LRRC1: variants seen among roughly 807,000 people sequenced by gnomAD.
The protein encoded by LRRC1 is leucine rich repeat containing 1, also known as leucine-rich repeat-containing protein 1.
In LRRC1, 28 loss-of-function variants were observed where a neutral mutation model predicts 69.9. That is an observed-to-expected ratio of 0.40 (90% CI 0.30 to 0.55). The LOEUF (loss-of-function observed/expected upper bound fraction) is 0.55, where lower values mean the gene tolerates loss of function less well. Among genes scored for constraint, LRRC1 ranks in the 20% least tolerant of loss-of-function variants. LRRC1 has a pLI of 0.47. For missense variants in LRRC1, 498 were observed against 609.0 expected, an observed-to-expected ratio of 0.82 and a Z score of 1.92; for synonymous variants, 236 against 240.2, an observed-to-expected ratio of 0.98 and a Z score of 0.16.
At chr6:53,825,309 G>C (rs1296728212) in intron 1 of LRRC1, among the ~76,000 whole-genome samples, 1 of 152,180 alleles carries the variant, frequency 6.6e-6, no homozygotes, top group African/African-American at 2.4e-5. Context: ...ATACATCTTT[G>C]AAAAGTGACC....
chr6:53,821,365 A>G (rs550183010), intron 1 of LRRC1, among the ~76,000 whole-genome samples: 4 of 152,304 alleles, frequency 2.6e-5, no homozygotes, highest in African/African-American at 9.6e-5. Flanking sequence ...ATATTTTATT[A>G]CTTCACTAGA....
At chr6:53,836,716 T>C (rs1336890298) in intron 1 of LRRC1, among the ~76,000 whole-genome samples, 2 of 152,210 alleles carry the variant, frequency 1.3e-5, no homozygotes, top group Non-Finnish European at 2.9e-5. Context: ...CAGCAAATTA[T>C]AAAGTGAACA....
Position 53,795,071 on chromosome 6 carries a change from G to T in LRRC1, c.-186G>T. The T allele has an allele frequency of 1.9e-6, 1 of 539,286 alleles. No individual in the cohort carries two copies. Among genetic ancestry groups the T allele is most frequent in the South Asian group, 2.4e-5 (1 of 41,580 alleles). The allele number at this position is 539,286 out of a possible 1,614,324, so 33.4% of individuals were successfully genotyped here. A position where few individuals can be genotyped will look rare whatever the true frequency, so the allele number is the denominator to read the frequency against. ...CGGGCGGGGGTACAGGGACGGGGCA[G>T]GGGCTCCCGCTCCAGGTTCCTTGAA... On this transcript the variant is annotated 5_prime_UTR_variant, in exon 1 of 14. In the 5' UTR this introduces an upstream ATG that the reference lacks. Transcript: ENST00000370888.
chr6:53,887,916 A>G (rs1426183472), intron 4 of LRRC1, among the ~76,000 whole-genome samples: 1 of 152,198 alleles, frequency 6.6e-6, no homozygotes, highest in Non-Finnish European at 1.5e-5. Context: ...ATTTCAGAAA[A>G]CTATCTGAAT....
rs1301994009 is a variant in LRRC1, at chr6:53,896,511, G to T, written c.460G>T (p.Ala154Ser). Residue 154 changes from alanine to serine, a missense_variant, in exon 5 of 14, where the codon GCT becomes TCT. Around this residue, in one of 3 missense-constraint regions of LRRC1, gnomAD observed 266 missense variants for 383.9 expected, o/e 0.69. Transcript: ENST00000370888. ...PENIGNLYNL[A>S]SLELRENLLT... ...GTTCATTTCTAGTCTTTATAACCTG[G>T]CTTCACTGGAACTGAGAGAGAATCT... The T allele has an allele frequency of 1.2e-6, 2 of 1,613,060 alleles. No individual in the cohort carries two copies. Among genetic ancestry groups the T allele is most frequent in the Admixed American group, 3.3e-5 (2 of 59,984 alleles).
chr6:53,911,805 T>C (rs1463954850), intron 10 of LRRC1, among the ~76,000 whole-genome samples: 1 of 152,192 alleles, frequency 6.6e-6, no homozygotes. Context: ...ACTCTAATAA[T>C]ATTGATCATC....
Position 53,922,930 on chromosome 6 carries a change from C to A in LRRC1, c.*137C>A. 1.3e-6 allele frequency: 1 copy of A among 776,072 alleles called. No homozygotes were observed. Among genetic ancestry groups the A allele is most frequent in the Non-Finnish European group, 2.1e-6 (1 of 483,394 alleles). The allele number at this position is 776,072 out of a possible 1,614,324, so 48.1% of individuals were successfully genotyped here. ...CTTCCCGTGGAGTGTGGGGAAGCTGCTGTCTCCCAGGAAGTGCCTTACTCA... is the reference window on the plus strand; with the variant it reads ...CTTCCCGTGGAGTGTGGGGAAGCTGATGTCTCCCAGGAAGTGCCTTACTCA... On this transcript the variant is annotated 3_prime_UTR_variant, in exon 14 of 14. Coordinates refer to ENST00000370888, the MANE Select transcript of LRRC1 (RefSeq NM_018214.5).
intron 2 of LRRC1, among the ~76,000 whole-genome samples, chr6:53,853,490 G>A (rs1766210328): frequency 1.3e-5 from 2 of 152,010 alleles, no homozygotes; most frequent in Admixed American, 1.3e-4. Flanking sequence ...TCACCATGTT[G>A]ACCAGGCTGG....
rs778594796 is a variant in LRRC1 at position 53,885,087 on chromosome 6, A to G, written c.446+2111A>G. Among the ~76,000 whole-genome samples the G allele has an allele frequency of 2.6e-4, 40 of 152,256 alleles. 1 individual carries two copies. Among genetic ancestry groups the G allele is most frequent in the Non-Finnish European group, 5.9e-5 (4 of 68,046 alleles). ...TTAGTAATTTTGTCACCATAGCAAGAAACTGTGATTTCTTCTTCCTGCATG... is the reference window on the plus strand; with the variant it reads ...TTAGTAATTTTGTCACCATAGCAAGGAACTGTGATTTCTTCTTCCTGCATG... On this transcript the variant is annotated intron_variant, in intron 4 of 13. Coordinates refer to ENST00000370888, the MANE Select transcript of LRRC1 (RefSeq NM_018214.5).
rs779680067 is a variant in LRRC1, at chr6:53,922,820, G to A, written c.*27G>A. The A allele has an allele frequency of 6.2e-7, 1 of 1,605,688 alleles. No individual in the cohort carries two copies. Among genetic ancestry groups the A allele is most frequent in the South Asian group, 1.1e-5 (1 of 90,026 alleles). On this transcript the variant is annotated 3_prime_UTR_variant, in exon 14 of 14. Coordinates refer to ENST00000370888, the MANE Select transcript of LRRC1 (RefSeq NM_018214.5). ...GTTTCACCTCCAAGTTTTACCTCCT[G>A]TGTCTTCCTCTGCTGTCGAGACGTT...
chr6:53,840,520 A>G (rs1332599211), intron 1 of LRRC1, among the ~76,000 whole-genome samples: 2 of 151,980 alleles, frequency 1.3e-5, no homozygotes, highest in African/African-American at 4.8e-5. Context: ...CAGAAAAAGC[A>G]TGTCCTGCAG....
chr6:53,893,550 T>C (rs1262522898), intron 4 of LRRC1, among the ~76,000 whole-genome samples: 1 of 152,180 alleles, frequency 6.6e-6, no homozygotes, highest in African/African-American at 2.4e-5. Flanking sequence ...ATCTGAAACT[T>C]TATGAGTGCC....
At chr6:53,796,010 C>CA (rs1464834455) in intron 1 of LRRC1, among the ~76,000 whole-genome samples, 1 of 152,204 alleles carries the variant, frequency 6.6e-6, no homozygotes, top group Non-Finnish European at 1.5e-5. Context: ...GAGATGGGCG[C>CA]AGGGGAGAGC....
chr6:53,810,887 A>T (rs1005884400), intron 1 of LRRC1, among the ~76,000 whole-genome samples: 1 of 152,052 alleles, frequency 6.6e-6, no homozygotes, highest in Non-Finnish European at 1.5e-5. Flanking sequence ...AAACCCTCCC[A>T]GGTCTCCAAT....
intron 1 of LRRC1, among the ~76,000 whole-genome samples, chr6:53,825,105 T>G (rs539222708): frequency 6.6e-6 from 1 of 152,360 alleles, no homozygotes; most frequent in African/African-American, 2.4e-5. Context: ...TGTGTTCCAG[T>G]GTGTGTTTCA....
rs1208148636 is a variant in LRRC1 at position 53,904,376 on chromosome 6, C to T, written c.907-3C>T. The T allele has an allele frequency of 1.3e-6, 2 of 1,591,976 alleles. No individual in the cohort carries two copies. The highest frequency in any genetic ancestry group is 2.2e-5 in the East Asian group (1 of 44,620). ...ATTAATAGTGAAATTGTTATTTTAA[C>T]AGACCCTGCCTAAAAGCATTGGAAA... On this transcript the variant is annotated splice_region_variant and splice_polypyrimidine_tract_variant and intron_variant, in intron 9 of 13. Coordinates refer to ENST00000370888, the MANE Select transcript of LRRC1 (RefSeq NM_018214.5).
intron 2 of LRRC1, among the ~76,000 whole-genome samples, chr6:53,845,710 A>T (rs1036342236): frequency 1.3e-5 from 2 of 152,238 alleles, no homozygotes; most frequent in African/African-American, 4.8e-5. Context: ...TTGAATGTGC[A>T]AGGAATTATC....
chr6:53,861,877 A>G (rs1055376544), intron 2 of LRRC1, among the ~76,000 whole-genome samples: 5 of 152,094 alleles, frequency 3.3e-5, no homozygotes, highest in Non-Finnish European at 7.4e-5. Flanking sequence ...CCCAGCTGAC[A>G]AGAATCATAG....
At position 53,904,688 on chromosome 6, in the gene LRRC1, GAGAA is replaced by G. The variant is rs1343729437; in HGVS notation, c.990+234_990+237del. The G allele has an allele frequency of 1.1e-5, 3 of 274,788 alleles. No individual in the cohort carries two copies. In the South Asian group the frequency reaches 3.0e-4, roughly 28 times the overall value. The allele number at this position is 274,788 out of a possible 1,614,324, so 17.0% of individuals were successfully genotyped here. A position where few individuals can be genotyped will look rare whatever the true frequency, so the allele number is the denominator to read the frequency against. ...GGTGAATTTATAGGATTTTAAATGGGAGAAAGAAAGAGATTGACATTTTGGGTTT... is the reference window on the plus strand; with the variant it reads ...GGTGAATTTATAGGATTTTAAATGGGAGAAAGAGATTGACATTTTGGGTTT... On this transcript the variant is annotated intron_variant, in intron 10 of 13. Coordinates refer to ENST00000370888, the MANE Select transcript of LRRC1 (RefSeq NM_018214.5).
Sources: allele counts gnomAD v4.1 joint callset (sites outside exome capture counted in the v4.1 genomes callset), GRCh38; gene constraint gnomAD v4.1.1; regional missense constraint gnomAD v4.1.1; transcripts MANE v1.5; gene names NCBI Gene and HGNC (gene_info 2026-07-23, HGNC 2026-07-21).